The following USP32 variants were observed in gnomAD, a reference collection of about 807,000 sequenced individuals.
USP32 encodes ubiquitin specific peptidase 32, also known as ubiquitin carboxyl-terminal hydrolase 32.
Under a neutral mutation model 204.8 loss-of-function variants are expected in USP32, and 59 were observed. The observed-to-expected ratio is 0.29, with a 90% CI of 0.23 to 0.36. USP32 has a LOEUF of 0.36. Among genes scored for constraint, USP32 ranks in the 10% least tolerant of loss-of-function variants. The pLI, the probability that USP32 is intolerant of heterozygous loss-of-function variation, is 1.00. For missense variants in USP32, 1,160 were observed against 1,946.4 expected (o/e 0.60, Z 7.60); for synonymous variants, 517 against 678.4 (o/e 0.76, Z 3.70).
Position 60,198,333 on chromosome 17 carries a change from C to T in USP32, c.3361G>A (p.Ala1121Thr), listed in dbSNP as rs2084577822. 1 of 1,614,062 alleles carries T rather than the reference C, an allele frequency of 6.2e-7. No individual in the cohort carries two copies. Among genetic ancestry groups the T allele is most frequent in the South Asian group, 1.1e-5 (1 of 91,092 alleles). Residue 1121 changes from alanine to threonine, a missense_variant, in exon 27 of 34, where the codon GCG becomes ACG. Physicochemically the swap from Ala to Thr is moderately conservative, Grantham distance 58. Transcript: ENST00000300896. ...AACCGGGATACTTGAATCCAAACCGCATCATATAGGTCTTTCTTCCGGGTA... is the reference window on the plus strand; with the variant it reads ...AACCGGGATACTTGAATCCAAACCGTATCATATAGGTCTTTCTTCCGGGTA... Reference protein sequence around the residue: ...VHTRKKDLYDAVWIQVSRLAS... With the variant: ...VHTRKKDLYDTVWIQVSRLAS...
At chr17:60,287,396 T>C (rs2087143159) in intron 5 of USP32, among the ~76,000 whole-genome samples, 1 of 152,222 alleles carries the variant, frequency 6.6e-6, no homozygotes, top group Non-Finnish European at 1.5e-5. Flanking sequence ...TTTACGATTT[T>C]TGCCTGTAGC....
chr17:60,268,158 T>C (rs918549683), intron 7 of USP32, among the ~76,000 whole-genome samples: 1 of 152,158 alleles, frequency 6.6e-6, no homozygotes, highest in Non-Finnish European at 1.5e-5. Flanking sequence ...TGCTAACAAT[T>C]AGAACACCAG....
chr17:60,266,682 G>C (rs552131145), intron 7 of USP32, among the ~76,000 whole-genome samples: 6 of 147,118 alleles, frequency 4.1e-5, no homozygotes, highest in Admixed American at 2.7e-4. Flanking sequence ...TTGAGATGGA[G>C]TCTCACTCTG....
chr17:60,383,041 A>C (rs1024850890), intron 1 of USP32, among the ~76,000 whole-genome samples: 2 of 152,062 alleles, frequency 1.3e-5, no homozygotes, highest in Non-Finnish European at 2.9e-5. Flanking sequence ...AGGTCAAGAA[A>C]TGAAGACCAT....
intron 1 of USP32, among the ~76,000 whole-genome samples, chr17:60,376,820 A>C (rs566002587): frequency 2.9e-4 from 44 of 152,144 alleles, no homozygotes; most frequent in African/African-American, 1.0e-3. Context: ...CACACCTGGT[A>C]AGAATGTTGG....
chr17:60,351,073 T>C (rs1324199811), intron 1 of USP32, among the ~76,000 whole-genome samples: 3 of 152,146 alleles, frequency 2.0e-5, no homozygotes, highest in African/African-American at 7.2e-5. Context: ...GAATTTACCC[T>C]GTCCATAGCC....
intron 2 of USP32, among the ~76,000 whole-genome samples, chr17:60,316,943 G>A (rs987429794): frequency 2.6e-5 from 4 of 152,064 alleles, no homozygotes; most frequent in African/African-American, 9.7e-5. Flanking sequence ...GACACAAAAT[G>A]GCAAATATTG....
chr17:60,392,203 T>A, upstream of USP32: 1 of 384,530 alleles, frequency 2.6e-6, no homozygotes, highest in Non-Finnish European at 4.8e-6. Flanking sequence ...CTCCTCCCTC[T>A]CCTTCCCTCC....
At chr17:60,416,657 G>C (rs930356528) in intron 1 of USP32, among the ~76,000 whole-genome samples, 3 of 152,034 alleles carry the variant, frequency 2.0e-5, no homozygotes, top group Non-Finnish European at 4.4e-5. Flanking sequence ...CTGCTGTTAG[G>C]TTCAATTGTC....
At chr17:60,394,989 C>T (rs978622737), upstream of USP32, among the ~76,000 whole-genome samples, 2 of 152,176 alleles carry the variant, frequency 1.3e-5, no homozygotes, top group African/African-American at 4.8e-5. Flanking sequence ...GGTGATCCAC[C>T]AACCTCGGCC....
chr17:60,314,205 G>A (rs1368070090), intron 2 of USP32, among the ~76,000 whole-genome samples: 1 of 115,014 alleles, frequency 8.7e-6, no homozygotes, highest in Non-Finnish European at 1.6e-5. Context: ...CAGTGGCATT[G>A]ATCTTGGCTC....
chr17:60,293,423 G>GA (rs1313808952), intron 4 of USP32, among the ~76,000 whole-genome samples: 1 of 151,956 alleles, frequency 6.6e-6, no homozygotes, highest in Admixed American at 6.6e-5. Flanking sequence ...TATTATGGGG[G>GA]AAAAAAACAA....
intron 3 of USP32, among the ~76,000 whole-genome samples, chr17:60,297,439 T>C (rs968582184): frequency 6.9e-6 from 1 of 145,592 alleles, no homozygotes; most frequent in Non-Finnish European, 1.5e-5. Flanking sequence ...TACAATGTTT[T>C]TCCTTTTCTT....
At chr17:60,404,166 T>C (rs1003153568) in intron 1 of USP32, among the ~76,000 whole-genome samples, 2 of 152,178 alleles carry the variant, frequency 1.3e-5, no homozygotes, top group African/African-American at 4.8e-5. Context: ...AATGATGGAA[T>C]GTAGCAGAAG....
At chr17:60,355,395 C>T (rs1403588314) in intron 1 of USP32, among the ~76,000 whole-genome samples, 9 of 152,014 alleles carry the variant, frequency 5.9e-5, no homozygotes, top group African/African-American at 2.2e-4. Context: ...AAAATTTTCC[C>T]TCCAAAAAAA....
At chr17:60,219,645 G>A (rs1300343300) in intron 16 of USP32, 25 bp downstream of exon 16, 1 of 1,581,954 alleles carries the variant, frequency 6.3e-7, no homozygotes, top group Non-Finnish European at 8.6e-7. Flanking sequence ...TAAATGCTGA[G>A]GAAACATTCT....
intron 2 of USP32, among the ~76,000 whole-genome samples, chr17:60,331,318 C>A (rs1480069333): frequency 8.5e-5 from 13 of 152,212 alleles, no homozygotes; most frequent in Non-Finnish European, 1.9e-4. Flanking sequence ...GTAATCCCAG[C>A]ACTTTGGGAG....
chr17:60,291,519 TTC>T (rs1196746292), intron 4 of USP32, among the ~76,000 whole-genome samples: 47 of 147,486 alleles, frequency 3.2e-4, no homozygotes, highest in African/African-American at 1.1e-3. Flanking sequence ...GCTAAAGTGC[TTC>T]TCTCTCTGTG....
At chr17:60,204,759 G>A (rs372967075) in intron 26 of USP32, among the ~76,000 whole-genome samples, 3 of 151,744 alleles carry the variant, frequency 2.0e-5, no homozygotes, top group Non-Finnish European at 2.9e-5. Context: ...GTGAGCCACC[G>A]CACCTGGCCA....
Sources: allele counts gnomAD v4.1 joint callset (sites outside exome capture counted in the v4.1 genomes callset), GRCh38; gene constraint gnomAD v4.1.1; transcripts MANE v1.5; gene names NCBI Gene and HGNC (gene_info 2026-07-23, HGNC 2026-07-21).